NELL1: variants seen among roughly 807,000 people sequenced by gnomAD.
NELL1 encodes neural EGFL like 1, also known as protein kinase C-binding protein NELL1.
NELL1 carries 76 observed loss-of-function variants against 107.4 expected under a neutral mutation model. The ratio of observed to expected loss-of-function variants is 0.71; its 90% CI spans 0.59 to 0.86. NELL1 has a LOEUF of 0.86. Among genes scored for constraint, NELL1 ranks in the 40% least tolerant of loss-of-function variants. The pLI is 0.00. For synonymous variants in NELL1, 353 were observed against 341.2 expected, an observed-to-expected ratio of 1.03 and a Z score of -0.38; for missense variants, 1,024 against 1,005.5, an observed-to-expected ratio of 1.02 and a Z score of -0.25.
intron 4 of NELL1, among the ~76,000 whole-genome samples, chr11:20,857,472 A>G (rs1000066951): frequency 9.9e-5 from 15 of 152,170 alleles, no homozygotes; most frequent in Admixed American, 5.9e-4. Flanking sequence ...TGACCTCAGC[A>G]TGGGCTGTGG....
At chr11:20,864,205 T>C (rs1849052928) in intron 4 of NELL1, among the ~76,000 whole-genome samples, 1 of 152,178 alleles carries the variant, frequency 6.6e-6, no homozygotes, top group African/African-American at 2.4e-5. Context: ...GAAAATTGTA[T>C]GTATTTATTG....
At chr11:20,687,796 T>A (rs1854345362) in intron 2 of NELL1, among the ~76,000 whole-genome samples, 3 of 152,080 alleles carry the variant, frequency 2.0e-5, no homozygotes, top group Admixed American at 2.0e-4. Flanking sequence ...TTTCACCATG[T>A]TGGCCAGGCT....
At chr11:21,523,243 G>A (rs188941377) in intron 15 of NELL1, among the ~76,000 whole-genome samples, 7 of 151,984 alleles carry the variant, frequency 4.6e-5, no homozygotes, top group African/African-American at 1.5e-4. Flanking sequence ...AGTTTAACTT[G>A]TTTGTGCTTC....
chr11:21,094,241 A>T (rs1854588523), intron 12 of NELL1, among the ~76,000 whole-genome samples: 1 of 152,230 alleles, frequency 6.6e-6, no homozygotes, highest in South Asian at 2.1e-4. Context: ...CTTGGACTCC[A>T]TGTCTCACAT....
chr11:21,179,273 T>A (rs1224426278), intron 13 of NELL1, among the ~76,000 whole-genome samples: 2 of 151,864 alleles, frequency 1.3e-5, no homozygotes, highest in Non-Finnish European at 2.9e-5. Context: ...CTAGCAGAAA[T>A]TTCGTGTAGA....
intron 13 of NELL1, among the ~76,000 whole-genome samples, chr11:21,136,649 T>C (rs1176524024): frequency 6.6e-6 from 1 of 152,170 alleles, no homozygotes; most frequent in Admixed American, 6.5e-5. Context: ...TTTGCTACAC[T>C]GTATTACTAT....
chr11:20,832,800 A>G (rs1358947225), intron 3 of NELL1, among the ~76,000 whole-genome samples: 1 of 152,202 alleles, frequency 6.6e-6, no homozygotes, highest in Non-Finnish European at 1.5e-5. Flanking sequence ...TTATCTTACT[A>G]TATTTATTGA....
chr11:21,277,457 T>C (rs1160870498), intron 14 of NELL1, among the ~76,000 whole-genome samples: 3 of 151,478 alleles, frequency 2.0e-5, no homozygotes, highest in East Asian at 1.9e-4. Flanking sequence ...GGTGGGACTG[T>C]AAACTAGTTC....
rs1486298764 is a variant in NELL1 at position 21,274,217 on chromosome 11, T to G, written c.1549+44763T>G. Among the ~76,000 whole-genome samples the G allele has an allele frequency of 4.6e-5, 7 of 151,828 alleles. No individual in the cohort carries two copies. The East Asian group carries it at 5.8e-4, about 13-fold the overall frequency. ...AAAAGGATGGAGGAAGATCTACCAA[T>G]CAAATGGAAAACAAAAAAAAGCAGG... On this transcript the variant is annotated intron_variant, in intron 14 of 19. Transcript: ENST00000357134.
intron 14 of NELL1, among the ~76,000 whole-genome samples, chr11:21,353,079 G>A (rs1364838125): frequency 6.6e-6 from 1 of 152,086 alleles, no homozygotes; most frequent in East Asian, 1.9e-4. Flanking sequence ...TCTCCAGTTG[G>A]GCAGAAAGAT....
chr11:21,548,820 T>A lies in NELL1; in HGVS notation c.1787-11369T>A, dbSNP rs532587115. Among the ~76,000 whole-genome samples, 4 of 151,408 alleles carry A rather than the reference T, an allele frequency of 2.6e-5. No individual in the cohort carries two copies. The East Asian group carries it at 7.8e-4, about 30-fold the overall frequency. ...TGTGTCCTGACAAAAGAATTCTAGT[T>A]GTGTGGCTGGCCCAGGGCAAGTTAC... On this transcript the variant is annotated intron_variant, in intron 16 of 19. Transcript: ENST00000357134.
chr11:21,299,928 T>A (rs1024524415), intron 14 of NELL1, among the ~76,000 whole-genome samples: 1 of 151,962 alleles, frequency 6.6e-6, no homozygotes, highest in Non-Finnish European at 1.5e-5. Flanking sequence ...CTGCAGGCCA[T>A]AATTGGTGAA....
Position 21,520,288 on chromosome 11 carries a change from A to G in NELL1, c.1646-14086A>G, listed in dbSNP as rs933235395. ...TAAATTCTCAGTTTAAGATATCTCA[A>G]GTAGTGCTGATTTTACCTCTTGCTC... On this transcript the variant is annotated intron_variant, in intron 15 of 19. Coordinates refer to ENST00000357134, the MANE Select transcript of NELL1 (RefSeq NM_006157.5). Among the ~76,000 whole-genome samples, 8 of 152,250 alleles carry G rather than the reference A, an allele frequency of 5.3e-5. No homozygotes were observed. The East Asian group carries it at 1.5e-3, about 29-fold the overall frequency.
At chr11:21,431,830 G>C (rs749165127) in intron 15 of NELL1, among the ~76,000 whole-genome samples, 5 of 152,068 alleles carry the variant, frequency 3.3e-5, no homozygotes, top group Non-Finnish European at 7.4e-5. Context: ...TGTGCTGTTA[G>C]CTGTTTCTCA....
intron 4 of NELL1, among the ~76,000 whole-genome samples, chr11:20,854,275 T>C (rs1848840552): frequency 6.6e-6 from 1 of 152,218 alleles, no homozygotes; most frequent in African/African-American, 2.4e-5. Flanking sequence ...GTCTCTGGGC[T>C]TTAGCTTCCT....
chr11:20,833,723 G>T (rs1247933720), intron 3 of NELL1, among the ~76,000 whole-genome samples: 1 of 152,160 alleles, frequency 6.6e-6, no homozygotes, highest in East Asian at 1.9e-4. Flanking sequence ...TGGACTTCCT[G>T]GGGAGGTGAC....
At chr11:21,571,265 G>A (rs1485134706) in intron 18 of NELL1, among the ~76,000 whole-genome samples, 1 of 151,850 alleles carries the variant, frequency 6.6e-6, no homozygotes, top group Non-Finnish European at 1.5e-5. Flanking sequence ...AGTCCTGACA[G>A]AGCTAAATCT....
chr11:21,229,317 T>A lies in NELL1; in HGVS notation c.1427-15T>A. The A allele has an allele frequency of 6.2e-7, 1 of 1,613,572 alleles. No homozygotes were observed. The highest frequency in any genetic ancestry group is 1.1e-5 in the South Asian group (1 of 91,032). On this transcript the variant is annotated splice_polypyrimidine_tract_variant and intron_variant, in intron 13 of 19. Transcript: ENST00000357134. ...AAGAAAAAGTATTTCTCTTTTTCTC[T>A]CACCCTGGAAACAGAACACGATGAA...
At chr11:21,390,528 C>T (rs1851849620) in intron 15 of NELL1, among the ~76,000 whole-genome samples, 1 of 151,314 alleles carries the variant, frequency 6.6e-6, no homozygotes. Context: ...CACACACACA[C>T]ACACACACAC....
Sources: allele counts gnomAD v4.1 joint callset (sites outside exome capture counted in the v4.1 genomes callset), GRCh38; gene constraint gnomAD v4.1.1; transcripts MANE v1.5; gene names NCBI Gene and HGNC (gene_info 2026-07-23, HGNC 2026-07-21).